ADGRE2: variants seen among roughly 807,000 people sequenced by gnomAD.
ADGRE2 encodes the protein adhesion G protein-coupled receptor E2.
Under a neutral mutation model 100.8 loss-of-function variants are expected in ADGRE2, and 83 were observed. The ratio of observed to expected loss-of-function variants is 0.82; its 90% CI spans 0.69 to 0.99. ADGRE2 has a LOEUF of 0.99. ADGRE2 is among the 50% of genes least tolerant of loss of function. ADGRE2 has a pLI of 0.00. For missense variants in ADGRE2, 814 were observed against 1,035.7 expected (o/e 0.79, Z 2.94); for synonymous variants, 355 against 413.0 (o/e 0.86, Z 1.70).
At chr19:14,730,672 T>C (rs1275054957), downstream of ADGRE2, among the ~76,000 whole-genome samples, 1 of 152,136 alleles carries the variant, frequency 6.6e-6, no homozygotes, top group East Asian at 1.9e-4. Context: ...ATTTCAACTT[T>C]TATTTTTAGA....
chr19:14,751,301 A>T (rs2037919942), intron 16 of ADGRE2, 135 bp downstream of exon 16: 3 of 640,650 alleles, frequency 4.7e-6, no homozygotes, highest in Non-Finnish European at 8.4e-6. Context: ...AAGGAGCTGC[A>T]GTGTAATCCA....
At chr19:14,772,548 A>G (rs2044250390) in intron 4 of ADGRE2, 51 bp from the exon 5 acceptor site, 1 of 1,602,774 alleles carries the variant, frequency 6.2e-7, no homozygotes. Context: ...GAGTTCCGTC[A>G]GGGCAGAGAC....
intron 20 of ADGRE2, among the ~76,000 whole-genome samples, chr19:14,739,011 C>A (rs1328730590): frequency 6.7e-6 from 1 of 149,110 alleles, no homozygotes; most frequent in Non-Finnish European, 1.5e-5. Flanking sequence ...CTCTGTCACC[C>A]AGGCTGGAGT....
At chr19:14,755,372 G>A (rs1041533031) in intron 13 of ADGRE2, among the ~76,000 whole-genome samples, 2 of 152,010 alleles carry the variant, frequency 1.3e-5, no homozygotes, top group Admixed American at 6.6e-5. Flanking sequence ...AGAATCGCTC[G>A]AACCTGGGAG....
intron 14 of ADGRE2, among the ~76,000 whole-genome samples, chr19:14,752,834 C>T (rs887232562): frequency 1.3e-5 from 2 of 151,344 alleles, no homozygotes; most frequent in Admixed American, 6.6e-5. Flanking sequence ...TGCAGTGGTG[C>T]GATCTCTGCT....
chr19:14,756,316 C>A lies in ADGRE2; in HGVS notation c.1114G>T (p.Asp372Tyr). 1 of 1,614,056 alleles carries A rather than the reference C, an allele frequency of 6.2e-7. No individual in the cohort carries two copies. Among genetic ancestry groups the A allele is most frequent in the East Asian group, 2.2e-5 (1 of 44,884 alleles). ...ELSLEVQKQV[D>Y]RSVTLRQNQA... ...TTCTGTCTCAAGGTGACACTCCTGTCTACTTGCTTCTGCACCTCCAGGGAC... is the reference window on the plus strand; with the variant it reads ...TTCTGTCTCAAGGTGACACTCCTGTATACTTGCTTCTGCACCTCCAGGGAC... The change falls in exon 12 of 21, where the codon GAC (aspartate) becomes TAC (tyrosine). Residue 372 changes from aspartate to tyrosine, a missense_variant. Physicochemically the swap from Asp to Tyr is radical, Grantham distance 160. Coordinates refer to ENST00000315576, the MANE Select transcript of ADGRE2 (RefSeq NM_013447.4).
In ADGRE2 at chr19:14,734,825, T is replaced by C. The variant is rs1469128212; in HGVS notation, c.*1411A>G. 1 of 152,220 alleles carries C rather than the reference T, an allele frequency of 6.6e-6. No homozygotes were observed. The highest frequency in any genetic ancestry group is 2.4e-5 in the African/African-American group (1 of 41,462). The allele number at this position is 152,220 out of a possible 1,614,324, so 9.4% of individuals were successfully genotyped here. A position where few individuals can be genotyped will look rare whatever the true frequency, so the allele number is the denominator to read the frequency against. On this transcript the variant is annotated 3_prime_UTR_variant, in exon 21 of 21. Transcript: ENST00000315576. ...TGAATGGGAAATCTGACCCTCGTCA[T>C]AGTGTACCAGATTTTATAGACAGGC...
At chr19:14,776,493 C>A (rs2044444482) in intron 2 of ADGRE2, 9 of 572,774 alleles carry the variant, frequency 1.6e-5, no homozygotes, top group Non-Finnish European at 2.5e-5. Context: ...GAGGATCCCT[C>A]CGGGCAGGGT....
chr19:14,745,078 CG>C (rs1340988797), intron 18 of ADGRE2, among the ~76,000 whole-genome samples: 1 of 151,404 alleles, frequency 6.6e-6, no homozygotes, highest in Non-Finnish European at 1.5e-5. Context: ...TTAGTAGAGA[CG>C]GGGTTTCACC....
downstream of ADGRE2, among the ~76,000 whole-genome samples, chr19:14,729,143 G>A (rs1329258457): frequency 1.3e-5 from 2 of 152,056 alleles, no homozygotes; most frequent in East Asian, 1.9e-4. Flanking sequence ...GGGGCAGGGA[G>A]GCATAGAGAC....
rs60321111 is a variant in ADGRE2, at chr19:14,759,505, T to TATA, written c.1085-3161_1085-3160insTAT. Among the ~76,000 whole-genome samples, 613 of 61,414 alleles carry TATA rather than the reference T, an allele frequency of 1.0e-2. 9 individuals are homozygous for TATA. Among genetic ancestry groups the TATA allele is most frequent in the African/African-American group, 0.032 (532 of 16,462 alleles). The allele number at this position is 61,414 out of a possible 152,430, so 40.3% of individuals were successfully genotyped here. On this transcript the variant is annotated intron_variant, in intron 11 of 20. Coordinates refer to ENST00000315576, the MANE Select transcript of ADGRE2 (RefSeq NM_013447.4). ...AAGTTATACATATATATATATATAT[T>TATA]TTTTTTTTTTAGACGGAGTCTCACT... is the stretch of plus-strand genomic sequence containing the variant.
downstream of ADGRE2, chr19:14,731,111 C>G: frequency 6.9e-7 from 1 of 1,448,688 alleles, no homozygotes; most frequent in Non-Finnish European, 9.4e-7. Context: ...AAGGATTGGC[C>G]CCTTTATTCA....
At chr19:14,760,945 A>G (rs1402681328) in intron 11 of ADGRE2, among the ~76,000 whole-genome samples, 4 of 152,184 alleles carry the variant, frequency 2.6e-5, no homozygotes, top group African/African-American at 9.7e-5. Flanking sequence ...TCTATGGATA[A>G]TAACTCCTTC....
chr19:14,773,931 T>C lies in ADGRE2; in HGVS notation c.199+7A>G. ...ATGTCCCCTGCGCTGCCCTCAAGCC[T>C]CTGTACCGTCACAAGTCTCCATGGG... On this transcript the variant is annotated splice_region_variant and intron_variant, in intron 4 of 20. Transcript: ENST00000315576. 6.2e-7 allele frequency: 1 copy of C among 1,613,676 alleles called. No individual in the cohort carries two copies.
chr19:14,751,164 A>C (rs950609069), intron 16 of ADGRE2, among the ~76,000 whole-genome samples: 1 of 152,134 alleles, frequency 6.6e-6, no homozygotes, highest in African/African-American at 2.4e-5. Context: ...GGATTATGAC[A>C]TAGTGTCTTT....
At chr19:14,729,266 C>A (rs1447345938), downstream of ADGRE2, among the ~76,000 whole-genome samples, 1 of 152,176 alleles carries the variant, frequency 6.6e-6, no homozygotes, top group Non-Finnish European at 1.5e-5. Context: ...GCTGTAGGAA[C>A]TGCCCTATGC....
intron 11 of ADGRE2, among the ~76,000 whole-genome samples, chr19:14,764,125 C>G (rs1245093922): frequency 6.6e-6 from 1 of 151,894 alleles, no homozygotes; most frequent in Non-Finnish European, 1.5e-5. Context: ...TACAGTGATG[C>G]AATCATAGTT....
chr19:14,754,481 A>ATCTATCTATCTATCTGTCTG (rs2043419446), intron 14 of ADGRE2, among the ~76,000 whole-genome samples: 1 of 150,714 alleles, frequency 6.6e-6, no homozygotes, highest in Non-Finnish European at 1.5e-5. Flanking sequence ...CTATCTATCT[A>ATCTATCTATCTATCTGTCTG]TCTATCTATT....
At chr19:14,746,615 G>A (rs867766110) in intron 17 of ADGRE2, among the ~76,000 whole-genome samples, 29 of 152,094 alleles carry the variant, frequency 1.9e-4, no homozygotes, top group African/African-American at 6.3e-4. Flanking sequence ...TGCCTGCCTC[G>A]GCCTCCCAAA....
Sources: allele counts gnomAD v4.1 joint callset (sites outside exome capture counted in the v4.1 genomes callset), GRCh38; gene constraint gnomAD v4.1.1; transcripts MANE v1.5; gene names NCBI Gene and HGNC (gene_info 2026-07-23, HGNC 2026-07-21).